The following MGST1 variants were observed in gnomAD, a reference collection of about 807,000 sequenced individuals.
The protein encoded by MGST1 is glutathione S-transferase 12.
MGST1 carries 5 observed loss-of-function variants against 8.9 expected under a neutral mutation model. That is an observed-to-expected ratio of 0.56 (90% CI 0.29 to 1.19). The LOEUF is 1.19. Ranked by LOEUF, MGST1 falls within the 50% of genes most tolerant of loss-of-function variation. MGST1 has a pLI of 0.08. For missense variants in MGST1, 182 were observed against 187.4 expected, an observed-to-expected ratio of 0.97 and a Z score of 0.17; for synonymous variants, 54 against 67.8, an observed-to-expected ratio of 0.80 and a Z score of 1.00.
chr12:16,503,078 G>A lies in MGST1; in HGVS notation n.483-86450G>A, dbSNP rs901440576. Among the ~76,000 whole-genome samples the A allele has an allele frequency of 3.9e-5, 6 of 152,318 alleles. No individual in the cohort carries two copies. Among genetic ancestry groups the A allele is most frequent in the African/African-American group, 1.2e-4 (5 of 41,578 alleles). The stretch of plus-strand genomic sequence containing the variant: ...AATCTCTGAGGGTGGAAGATGCAGG[G>A]TGAGGTTTCAGCGGATGGTGTTAAG... On this transcript the variant is annotated intron_variant and non_coding_transcript_variant, in intron 4 of 4. Transcript: ENST00000538857. The surrounding 1 kb of genome is among the most constrained non-coding windows in gnomAD (Gnocchi z 4.8).
intron 4 of MGST1, among the ~76,000 whole-genome samples, chr12:16,498,252 G>T (rs1478195242): frequency 1.3e-5 from 2 of 152,082 alleles, no homozygotes; most frequent in Non-Finnish European, 1.5e-5. Flanking sequence ...GAGGCATAAT[G>T]GTTATTCTGA....
chr12:16,551,571 T>C (rs955702041), intron 4 of MGST1, among the ~76,000 whole-genome samples: 3 of 151,370 alleles, frequency 2.0e-5, no homozygotes, highest in Admixed American at 6.6e-5. Context: ...AGATAAACAC[T>C]TTGGGCACCA....
At chr12:16,459,909 C>T (rs572175113) in intron 4 of MGST1, among the ~76,000 whole-genome samples, 2 of 152,214 alleles carry the variant, frequency 1.3e-5, no homozygotes, top group East Asian at 3.9e-4. Flanking sequence ...TAATGACCCA[C>T]ATAGAGATAT....
At chr12:16,539,703 C>T (rs1941781566) in intron 4 of MGST1, among the ~76,000 whole-genome samples, 1 of 152,334 alleles carries the variant, frequency 6.6e-6, no homozygotes, top group East Asian at 1.9e-4. Context: ...ATCATGCCTT[C>T]CCCTGTGTTG....
At chr12:16,565,151 C>T (rs1056712908) in intron 4 of MGST1, among the ~76,000 whole-genome samples, 4 of 152,108 alleles carry the variant, frequency 2.6e-5, no homozygotes, top group African/African-American at 7.2e-5. Flanking sequence ...TTAAAAAAAA[C>T]TATAGAATAA....
At chr12:16,368,732 C>T (rs769961835), downstream of MGST1, among the ~76,000 whole-genome samples, 12 of 152,038 alleles carry the variant, frequency 7.9e-5, no homozygotes, top group Non-Finnish European at 1.6e-4. Context: ...AGTCAGCAAG[C>T]GCAGGCCCTA....
At chr12:16,561,936 G>T (rs1397475052) in intron 4 of MGST1, among the ~76,000 whole-genome samples, 4 of 152,134 alleles carry the variant, frequency 2.6e-5, no homozygotes, top group Admixed American at 2.0e-4. Flanking sequence ...TTACATTCAA[G>T]AAGATCAAAT....
rs554237031 is a variant in MGST1 at position 16,570,601 on chromosome 12, C to G, written n.483-18927C>G. Among the ~76,000 whole-genome samples the G allele has an allele frequency of 5.3e-5, 8 of 152,254 alleles. No homozygotes were observed. The South Asian group carries it at 1.7e-3, about 32-fold the overall frequency. On this transcript the variant is annotated intron_variant and non_coding_transcript_variant, in intron 4 of 4. Coordinates refer to the MGST1 transcript ENST00000538857. ...ATTTAATGTTTTCATGTGTCAATTT[C>G]ACCATCTTTCCAAGAGCCACTTACT... is the stretch of plus-strand genomic sequence containing the variant.
At chr12:16,474,982 T>C (rs1328110710) in intron 4 of MGST1, among the ~76,000 whole-genome samples, 4 of 152,162 alleles carry the variant, frequency 2.6e-5, no homozygotes, top group South Asian at 2.1e-4. Flanking sequence ...ACCGGTGCAG[T>C]AGGCTAATGC....
intron 1 of MGST1, among the ~76,000 whole-genome samples, chr12:16,420,755 GAAC>G (rs1940828891): frequency 6.6e-6 from 1 of 152,134 alleles, no homozygotes; most frequent in African/African-American, 2.4e-5. Flanking sequence ...CTTCTGCTGA[GAAC>G]AACTGCCAGA....
chr12:16,578,311 AT>A (rs1943056191), intron 4 of MGST1, among the ~76,000 whole-genome samples: 1 of 152,112 alleles, frequency 6.6e-6, no homozygotes, highest in African/African-American at 2.4e-5. Flanking sequence ...GAACAATTGT[AT>A]TTTACTTAGC....
intron 1 of MGST1, chr12:16,399,590 A>C (rs1940635313): frequency 6.2e-7 from 1 of 1,606,056 alleles, no homozygotes; most frequent in Non-Finnish European, 8.5e-7. Context: ...AAGGATTAAA[A>C]GTCTCATCTT....
rs1933148144 is a variant in MGST1, at chr12:16,582,950, T to C, written n.483-6578T>C. 6.7e-6 allele frequency among the ~76,000 whole-genome samples: 1 copy of C among 149,980 alleles called. No homozygotes were observed. The highest frequency in any genetic ancestry group is 2.5e-5 in the African/African-American group (1 of 40,606). On this transcript the variant is annotated intron_variant and non_coding_transcript_variant, in intron 4 of 4. Transcript: ENST00000538857. This position sits in a 1 kb window ranked among gnomAD's most constrained non-coding sequence, Gnocchi z 4.1. The stretch of plus-strand genomic sequence containing the variant: ...TAATCCCAGCTACTCAGGAGGCTAA[T>C]GCAGGAAAATCTCTTGAAGCTGGGA...
intron 1 of MGST1, among the ~76,000 whole-genome samples, chr12:16,434,596 A>C (rs2137096887): frequency 6.6e-6 from 1 of 152,044 alleles, no homozygotes; most frequent in Admixed American, 6.6e-5. Flanking sequence ...TTTTCACCTT[A>C]ATTGAACAGA....
intron 4 of MGST1, among the ~76,000 whole-genome samples, chr12:16,493,265 G>C (rs1475848131): frequency 6.6e-6 from 1 of 152,148 alleles, no homozygotes; most frequent in African/African-American, 2.4e-5. Flanking sequence ...AGGATTTCTG[G>C]ACCTTTGGAC....
chr12:16,513,737 A>G lies in MGST1; in HGVS notation n.483-75791A>G. ...GAAGTAGCCTTGGGCGAGAATAGCG[A>G]AGTCTCGAAAAGTGGCCGGTTTGTC... is the stretch of plus-strand genomic sequence containing the variant. On this transcript the variant is annotated intron_variant and non_coding_transcript_variant, in intron 4 of 4. Transcript: ENST00000538857. This position sits in a 1 kb window ranked among gnomAD's most constrained non-coding sequence, Gnocchi z 4.2. 1.7e-6 allele frequency: 1 copy of G among 571,430 alleles called. No homozygotes were observed. The allele number at this position is 571,430 out of a possible 1,614,324, so 35.4% of individuals were successfully genotyped here. A position where few individuals can be genotyped will look rare whatever the true frequency, so the allele number is the denominator to read the frequency against.
At chr12:16,415,890 G>C (rs1310245242) in intron 1 of MGST1, among the ~76,000 whole-genome samples, 1 of 152,070 alleles carries the variant, frequency 6.6e-6, no homozygotes, top group African/African-American at 2.4e-5. Flanking sequence ...AACATCAGTA[G>C]TAGAAAAATT....
Position 16,401,953 on chromosome 12 carries a change from C to CT in MGST1, n.778+18352dup. 6.2e-7 allele frequency: 1 copy of CT among 1,612,224 alleles called. No homozygotes were observed. ...CTGATATCTATTTTGTCAAAGCCTT[C>CT]TTTGTTGAGGCAGTCATTCCAGCTC... On this transcript the variant is annotated intron_variant and non_coding_transcript_variant, in intron 1 of 1. Coordinates refer to the MGST1 transcript ENST00000359720. This position sits in a 1 kb window ranked among gnomAD's most constrained non-coding sequence, Gnocchi z 4.3.
intron 3 of MGST1, among the ~76,000 whole-genome samples, chr12:16,373,327 C>G (rs911413933): frequency 2.6e-5 from 4 of 151,552 alleles, no homozygotes; most frequent in African/African-American, 9.7e-5. Flanking sequence ...AGGAATCGAT[C>G]TAGTGTTTGG....
Sources: allele counts gnomAD v4.1 joint callset (sites outside exome capture counted in the v4.1 genomes callset), GRCh38; gene constraint gnomAD v4.1.1; non-coding constraint Gnocchi (gnomAD v3.1); transcripts MANE v1.5; gene names NCBI Gene and HGNC (gene_info 2026-07-23, HGNC 2026-07-21).